Variants in RNF150 observed in about 807,000 individuals in gnomAD.
RNF150 encodes ring finger protein 150.
A neutral mutation model predicts 39.3 loss-of-function variants in RNF150; 24 were observed. The observed-to-expected ratio is 0.61, with a 90% CI of 0.44 to 0.86. The LOEUF (loss-of-function observed/expected upper bound fraction) is 0.86. Among genes scored for constraint, RNF150 ranks in the 40% least tolerant of loss-of-function variants. RNF150 has a pLI of 0.00. For synonymous variants in RNF150, 255 were observed against 227.3 expected (o/e 1.12, Z -1.10); for missense variants, 502 against 587.8 (o/e 0.85, Z 1.51).
chr4:141,205,959 A>T (rs772430017), intron 1 of RNF150, among the ~76,000 whole-genome samples: 1 of 152,150 alleles, frequency 6.6e-6, no homozygotes, highest in Admixed American at 6.5e-5. Flanking sequence ...TCTGAAATGA[A>T]ATAATTAAGA....
At chr4:141,005,303 T>A (rs1734822800) in intron 1 of RNF150, among the ~76,000 whole-genome samples, 1 of 152,122 alleles carries the variant, frequency 6.6e-6, no homozygotes, top group African/African-American at 2.4e-5. Flanking sequence ...GAGATGTAAA[T>A]TTGAAGCTAT....
intron 1 of RNF150, among the ~76,000 whole-genome samples, chr4:141,006,555 G>A (rs1232636244): frequency 1.3e-5 from 2 of 152,164 alleles, no homozygotes; most frequent in Non-Finnish European, 2.9e-5. Flanking sequence ...ACTGGACAGG[G>A]CTGATTAAGC....
chr4:141,070,808 G>A, intron 1 of RNF150, among the ~76,000 whole-genome samples: 1 of 149,850 alleles, frequency 6.7e-6, no homozygotes, highest in Non-Finnish European at 1.5e-5. Flanking sequence ...TTCAACCATT[G>A]TGGAAGTCAG....
intron 1 of RNF150, among the ~76,000 whole-genome samples, chr4:141,155,255 T>TC (rs1727366685): frequency 8.3e-6 from 1 of 119,976 alleles, no homozygotes; most frequent in Admixed American, 8.4e-5. Context: ...CCGGCTGATT[T>TC]TTTTTTTTTT....
chr4:141,045,525 T>C (rs1736541858), intron 1 of RNF150, among the ~76,000 whole-genome samples: 1 of 151,970 alleles, frequency 6.6e-6, no homozygotes, highest in Non-Finnish European at 1.5e-5. Context: ...CACATTCTTT[T>C]TTTATTTTTA....
At chr4:140,974,323 G>C (rs975679110) in intron 1 of RNF150, among the ~76,000 whole-genome samples, 2 of 152,130 alleles carry the variant, frequency 1.3e-5, no homozygotes, top group African/African-American at 4.8e-5. Context: ...ATCCAAACAA[G>C]CATGTATCAG....
At chr4:140,997,623 G>T (rs1421694870) in intron 1 of RNF150, among the ~76,000 whole-genome samples, 1 of 149,582 alleles carries the variant, frequency 6.7e-6, no homozygotes, top group Non-Finnish European at 1.5e-5. Context: ...GCTAAGGCAG[G>T]AGAATCGCTT....
intron 1 of RNF150, among the ~76,000 whole-genome samples, chr4:141,093,267 G>A (rs1738658169): frequency 1.3e-5 from 2 of 151,814 alleles, no homozygotes; most frequent in Admixed American, 1.3e-4. Flanking sequence ...TTGGGAGGCT[G>A]AGGCAGGAGA....
Position 141,132,267 on chromosome 4 carries a change from C to A in RNF150, c.484+58G>T. The A allele has an allele frequency of 6.5e-7, 1 of 1,533,896 alleles. No individual in the cohort carries two copies. Reference sequence around the variant, plus strand: ...GGAGCCTGGAGGCAGGCGCTGGATCCCTCTAGGCACCTCCGTCCCCGCCGG... The same window carrying A: ...GGAGCCTGGAGGCAGGCGCTGGATCACTCTAGGCACCTCCGTCCCCGCCGG... On this transcript the variant is annotated intron_variant, in intron 1 of 6. Transcript: ENST00000515673. The surrounding 1 kb of genome is among the most constrained non-coding windows in gnomAD (Gnocchi z 4.9).
At chr4:141,177,962 G>T (rs1030049751) in intron 1 of RNF150, among the ~76,000 whole-genome samples, 1 of 152,094 alleles carries the variant, frequency 6.6e-6, no homozygotes, top group Admixed American at 6.6e-5. Context: ...TGGGGGAAAT[G>T]ATAGCTTTAC....
chr4:141,086,061 CACACACA>C (rs1738352652), intron 1 of RNF150, among the ~76,000 whole-genome samples: 2 of 151,462 alleles, frequency 1.3e-5, no homozygotes, highest in Admixed American at 6.6e-5. Flanking sequence ...CACACACACA[CACACACA>C]CCCTTCTAGG....
intron 1 of RNF150, among the ~76,000 whole-genome samples, chr4:140,970,925 C>T (rs997933237): frequency 7.2e-5 from 11 of 151,916 alleles, no homozygotes; most frequent in Non-Finnish European, 1.0e-4. Flanking sequence ...CTCTGGTGTG[C>T]TTTAGTCTAT....
At chr4:140,975,468 C>T (rs1733629104) in intron 1 of RNF150, among the ~76,000 whole-genome samples, 1 of 152,086 alleles carries the variant, frequency 6.6e-6, no homozygotes, top group African/African-American at 2.4e-5. Context: ...AAATATTTCC[C>T]ATTGTGTGTG....
upstream of RNF150, among the ~76,000 whole-genome samples, chr4:141,136,867 G>A (rs377625060): frequency 1.7e-3 from 257 of 152,286 alleles, no homozygotes; most frequent in African/African-American, 6.0e-3. Flanking sequence ...TGTCACATAA[G>A]GTATTTTCTG....
At chr4:140,911,871 G>A (rs874776) in intron 5 of RNF150, among the ~76,000 whole-genome samples, 83,520 of 152,026 alleles carry the variant, frequency 0.55, 23,672 homozygotes, top group Non-Finnish European at 0.62. Flanking sequence ...AACACACACA[G>A]AGCACAGGAT....
intron 1 of RNF150, among the ~76,000 whole-genome samples, chr4:140,993,601 G>C (rs1446252571): frequency 6.6e-6 from 1 of 152,192 alleles, no homozygotes; most frequent in Non-Finnish European, 1.5e-5. Context: ...CCCCCGGCAT[G>C]GCCAGCTGTT....
At chr4:140,895,626 A>G (rs973287712) in intron 6 of RNF150, among the ~76,000 whole-genome samples, 2 of 152,202 alleles carry the variant, frequency 1.3e-5, no homozygotes, top group South Asian at 2.1e-4. Context: ...TCTGCTTAGC[A>G]GTTACCAACT....
intron 1 of RNF150, among the ~76,000 whole-genome samples, chr4:140,978,823 T>C (rs1579022594): frequency 6.6e-6 from 1 of 152,128 alleles, no homozygotes; most frequent in Non-Finnish European, 1.5e-5. Context: ...TTCAAATGGC[T>C]AAAAATAATA....
chr4:141,057,702 G>A (rs1250967606), intron 1 of RNF150, among the ~76,000 whole-genome samples: 1 of 152,200 alleles, frequency 6.6e-6, no homozygotes, highest in East Asian at 1.9e-4. Flanking sequence ...TCTTTGACAT[G>A]CATCAGCTGT....
Sources: allele counts gnomAD v4.1 joint callset (sites outside exome capture counted in the v4.1 genomes callset), GRCh38; gene constraint gnomAD v4.1.1; non-coding constraint Gnocchi (gnomAD v3.1); transcripts MANE v1.5; gene names NCBI Gene and HGNC (gene_info 2026-07-23, HGNC 2026-07-21).